The following ANXA8 variants were observed in gnomAD, a reference collection of about 807,000 sequenced individuals.
ANXA8 encodes annexin A8, also known as VAC-beta.
A neutral mutation model predicts 26.8 loss-of-function variants in ANXA8; 9 were observed. The ratio of observed to expected loss-of-function variants is 0.34; its 90% CI spans 0.20 to 0.59. ANXA8 has a LOEUF of 0.59. Ranked by LOEUF, ANXA8 falls within the 20% of genes least tolerant of loss-of-function variation. ANXA8 has a pLI of 0.84. For synonymous variants in ANXA8, 39 were observed against 94.8 expected, an observed-to-expected ratio of 0.41 and a Z score of 3.42; for missense variants, 83 against 238.5, an observed-to-expected ratio of 0.35 and a Z score of 4.29.
chr10:47,986,583 G>A, the ANXA8 span: 1 of 357,524 alleles, frequency 2.8e-6, no homozygotes, highest in Non-Finnish European at 5.5e-6. Flanking sequence ...GACCCACAGG[G>A]GCCAGTGCAG....
chr10:47,516,702 G>GC, the ANXA8 span, among the ~76,000 whole-genome samples: 3 of 133,750 alleles, frequency 2.2e-5, 1 homozygote, highest in Non-Finnish European at 4.7e-5. Flanking sequence ...AAAGAAAGTT[G>GC]CCCCCCACAC....
chr10:47,552,276 C>T, the ANXA8 span, among the ~76,000 whole-genome samples: 1 of 151,632 alleles, frequency 6.6e-6, no homozygotes, highest in African/African-American at 2.4e-5. Flanking sequence ...CCATTAGCCA[C>T]ATGTGGTTAC....
At chr10:47,970,835 G>A in the ANXA8 span, among the ~76,000 whole-genome samples, 2 of 151,424 alleles carry the variant, frequency 1.3e-5, no homozygotes, top group African/African-American at 2.4e-5. Flanking sequence ...GGAGGATGGC[G>A]AAGGCTGGGT....
At chr10:47,761,106 A>ACG in the ANXA8 span, among the ~76,000 whole-genome samples, 7 of 146,302 alleles carry the variant, frequency 4.8e-5, no homozygotes, top group African/African-American at 1.8e-4. Context: ...ACACACGCAC[A>ACG]CACACACACA....
chr10:47,628,535 A>T, the ANXA8 span, among the ~76,000 whole-genome samples: 1 of 150,846 alleles, frequency 6.6e-6, no homozygotes, highest in Non-Finnish European at 1.5e-5. Flanking sequence ...AAGGCTTTTT[A>T]ATTATTTAAA....
At chr10:47,699,667 G>C in the ANXA8 span, among the ~76,000 whole-genome samples, 1 of 151,346 alleles carries the variant, frequency 6.6e-6, no homozygotes, top group African/African-American at 2.4e-5. Context: ...AAAAGAAAAA[G>C]AAAAAGAAAA....
the ANXA8 span, among the ~76,000 whole-genome samples, chr10:47,684,423 T>TG: frequency 3.8e-3 from 522 of 135,690 alleles, 2 homozygotes; most frequent in South Asian, 7.5e-3. Flanking sequence ...AGTTTTTTTT[T>TG]GGGGGGGGGG....
the ANXA8 span, among the ~76,000 whole-genome samples, chr10:47,559,510 T>C: frequency 6.6e-6 from 1 of 151,904 alleles, no homozygotes; most frequent in South Asian, 2.1e-4. Flanking sequence ...TTATCTTTGG[T>C]TTCCAAACCC....
the ANXA8 span, among the ~76,000 whole-genome samples, chr10:47,733,191 T>TTCTTTCTTTCTCTCTCTCTCTCTC: frequency 2.8e-5 from 3 of 106,542 alleles, 1 homozygote; most frequent in Non-Finnish European, 6.3e-5. Context: ...CTTTCTTTCT[T>TTCTTTCTTTCTCTCTCTCTCTCTC]TCTTTCTTTC....
At chr10:47,655,502 G>C in the ANXA8 span, among the ~76,000 whole-genome samples, 3 of 150,012 alleles carry the variant, frequency 2.0e-5, no homozygotes, top group Non-Finnish European at 3.0e-5. Flanking sequence ...TGTTTGAAGT[G>C]ATGGGCCATT....
chr10:47,702,440 T>G, the ANXA8 span, among the ~76,000 whole-genome samples: 30 of 151,148 alleles, frequency 2.0e-4, no homozygotes, highest in East Asian at 7.8e-4. Flanking sequence ...TCCTGGGTTC[T>G]AGCAATTCTC....
chr10:47,656,459 C>T, the ANXA8 span, among the ~76,000 whole-genome samples: 822 of 146,144 alleles, frequency 5.6e-3, 24 homozygotes, highest in African/African-American at 0.02. Context: ...TCTATTGTTT[C>T]GAAGAGTTTT....
chr10:47,716,555 C>G, the ANXA8 span, among the ~76,000 whole-genome samples: 2 of 117,432 alleles, frequency 1.7e-5, 1 homozygote. Context: ...AGGCAGAAAA[C>G]AAAGACAATA....
the ANXA8 span, among the ~76,000 whole-genome samples, chr10:47,523,976 T>TGCCCC: frequency 6.7e-6 from 1 of 150,344 alleles, no homozygotes; most frequent in Non-Finnish European, 1.5e-5. Flanking sequence ...CACCTCACAG[T>TGCCCC]GCCCCACCCT....
At chr10:47,764,279 G>C in the ANXA8 span, among the ~76,000 whole-genome samples, 1 of 151,516 alleles carries the variant, frequency 6.6e-6, no homozygotes, top group Non-Finnish European at 1.5e-5. Flanking sequence ...CAAGGCCTCG[G>C]GTCTGAGTTA....
chr10:47,495,505 T>C, the ANXA8 span, among the ~76,000 whole-genome samples: 7 of 148,152 alleles, frequency 4.7e-5, no homozygotes, highest in Admixed American at 4.7e-4. Flanking sequence ...AGGCTGGTCT[T>C]GAACTCCTGA....
chr10:47,894,671 C>T, the ANXA8 span, among the ~76,000 whole-genome samples: 1 of 151,940 alleles, frequency 6.6e-6, no homozygotes. Flanking sequence ...ACCCCCCACA[C>T]ACCACACACA....
the ANXA8 span, among the ~76,000 whole-genome samples, chr10:47,696,231 A>G: frequency 2.0e-5 from 3 of 151,652 alleles, no homozygotes; most frequent in Non-Finnish European, 1.5e-5. Flanking sequence ...CTAGATTTAG[A>G]TTTTAGATTT....
At chr10:47,507,981 A>G in the ANXA8 span, among the ~76,000 whole-genome samples, 3 of 109,254 alleles carry the variant, frequency 2.7e-5, no homozygotes, top group African/African-American at 1.0e-4. Context: ...CACAACCTCC[A>G]CCACCCAGGT....
Sources: allele counts gnomAD v4.1 joint callset (sites outside exome capture counted in the v4.1 genomes callset), GRCh38; gene constraint gnomAD v4.1.1; transcripts MANE v1.5; gene names NCBI Gene and HGNC (gene_info 2026-07-23, HGNC 2026-07-21).